The following ACER2 variants were observed in gnomAD, a reference collection of about 807,000 sequenced individuals.
The protein encoded by ACER2 is alkCDase 2.
ACER2 carries 26 observed loss-of-function variants against 34.7 expected under a neutral mutation model. That is an observed-to-expected ratio of 0.75 (90% CI 0.55 to 1.04). The LOEUF (loss-of-function observed/expected upper bound fraction) is 1.04, where lower values mean the gene tolerates loss of function less well. Ranked by LOEUF, ACER2 falls within the 50% of genes least tolerant of loss-of-function variation. ACER2 has a pLI of 0.00. For synonymous variants in ACER2, 138 were observed against 132.1 expected (o/e 1.04, Z -0.31); for missense variants, 352 against 340.8 (o/e 1.03, Z -0.26).
At chr9:19,434,624 C>G (rs1427716670) in intron 3 of ACER2, among the ~76,000 whole-genome samples, 2 of 152,250 alleles carry the variant, frequency 1.3e-5, no homozygotes, top group African/African-American at 4.8e-5. Flanking sequence ...AATACGAAAA[C>G]CAGTCAGGTG....
At chr9:19,441,050 T>C (rs1831139533) in intron 4 of ACER2, among the ~76,000 whole-genome samples, 1 of 144,350 alleles carries the variant, frequency 6.9e-6, no homozygotes. Flanking sequence ...TTCTTTTTCT[T>C]TTTTTTTTTT....
chr9:19,434,965 G>A lies in ACER2; in HGVS notation c.384G>A (p.Val128=). The part of the protein sequence containing the change: ...FRNDRGRFKV[V]VSVLSAVTTC... ...GATTCAGGGGTAGGTTCAAGGTGGTGGTCAGTGTCCTGTCTGCGGTTACGA... is the reference window on the plus strand; with the variant it reads ...GATTCAGGGGTAGGTTCAAGGTGGTAGTCAGTGTCCTGTCTGCGGTTACGA... Residue 128 remains valine (V), a synonymous_variant, in exon 4 of 6, where the codon GTG becomes GTA. Coordinates refer to ENST00000340967, the MANE Select transcript of ACER2 (RefSeq NM_001010887.3). 1 of 1,613,830 alleles carries A rather than the reference G, an allele frequency of 6.2e-7. No homozygotes were observed. The highest frequency in any genetic ancestry group is 8.5e-7 in the Non-Finnish European group (1 of 1,180,034).
rs1037799616 is a variant in ACER2 at position 19,439,391 on chromosome 9, A to T, written c.503+4307A>T. Among the ~76,000 whole-genome samples, 15 of 144,670 alleles carry T rather than the reference A, an allele frequency of 1.0e-4. 1 individual carries two copies. Among genetic ancestry groups the T allele is most frequent in the South Asian group, 9.0e-4 (4 of 4,460 alleles). 94.9% of individuals were successfully genotyped at this position (144,670 alleles called of 152,430 possible). A position where few individuals can be genotyped will look rare whatever the true frequency, so the allele number is the denominator to read the frequency against. ...AGTCTCGCTCTGTCACCCAGGCTGG[A>T]GTGCAGTGGCAAGATCTCGGCTCAC... is the stretch of plus-strand genomic sequence containing the variant. On this transcript the variant is annotated intron_variant, in intron 4 of 5. Transcript: ENST00000340967.
At chr9:19,450,154 T>G (rs1351949922) in intron 5 of ACER2, 1 of 973,268 alleles carries the variant, frequency 1.0e-6, no homozygotes, top group African/African-American at 1.8e-5. Context: ...TTGTAAATCC[T>G]TGGGCCTCAG....
intron 4 of ACER2, among the ~76,000 whole-genome samples, chr9:19,440,245 T>C (rs894363353): frequency 1.3e-5 from 2 of 152,208 alleles, no homozygotes; most frequent in Admixed American, 6.5e-5. Context: ...GCAGCTCCTT[T>C]TCAGTCTCTT....
At chr9:19,438,142 G>C (rs1831031718) in intron 4 of ACER2, among the ~76,000 whole-genome samples, 1 of 152,168 alleles carries the variant, frequency 6.6e-6, no homozygotes, top group East Asian at 1.9e-4. Context: ...GCTTTTACTA[G>C]CCTGGAAACT....
At chr9:19,445,228 A>T (rs1467431132) in intron 4 of ACER2, among the ~76,000 whole-genome samples, 1 of 152,242 alleles carries the variant, frequency 6.6e-6, no homozygotes, top group Non-Finnish European at 1.5e-5. Flanking sequence ...GAAGACGGCA[A>T]TTGAAATTTT....
At chr9:19,445,155 C>T (rs1039073672) in intron 4 of ACER2, among the ~76,000 whole-genome samples, 4 of 152,206 alleles carry the variant, frequency 2.6e-5, no homozygotes, top group Admixed American at 6.5e-5. Flanking sequence ...ACCAGCTGCC[C>T]CCAGGTGTTC....
At position 19,446,412 on chromosome 9, in the gene ACER2, G is replaced by A. The variant is rs768162227; in HGVS notation, c.635G>A (p.Cys212Tyr). 2 of 1,614,166 alleles carry A rather than the reference G, an allele frequency of 1.2e-6. No individual in the cohort carries two copies. Among genetic ancestry groups the A allele is most frequent in the Non-Finnish European group, 8.5e-7 (1 of 1,180,020 alleles). Residue 212 changes from cysteine (C) to tyrosine (Y), a missense_variant, in exon 5 of 6, where the codon TGC (cysteine) becomes TAC (tyrosine). By Grantham distance (194) the Cys-to-Tyr change is radical. Coordinates refer to ENST00000340967, the MANE Select transcript of ACER2 (RefSeq NM_001010887.3). ...TCCTTCAACTTCCCCTACCTGCACTGCATGTGGTAAGCCCCTGCTAATGGG... is the reference window on the plus strand; with the variant it reads ...TCCTTCAACTTCCCCTACCTGCACTACATGTGGTAAGCCCCTGCTAATGGG... ...LSSFNFPYLH[C>Y]MWHILICLAA...
chr9:19,443,402 G>C (rs1349404063), intron 4 of ACER2, among the ~76,000 whole-genome samples: 1 of 152,186 alleles, frequency 6.6e-6, no homozygotes, highest in African/African-American at 2.4e-5. Context: ...TCCTGACCTC[G>C]TGATCCCCCG....
At chr9:19,443,241 C>T (rs1831217880) in intron 4 of ACER2, among the ~76,000 whole-genome samples, 4 of 152,236 alleles carry the variant, frequency 2.6e-5, no homozygotes, top group Middle Eastern at 6.8e-3. Flanking sequence ...ACCACGTTAG[C>T]CAGGATGGTC....
At chr9:19,448,183 T>A (rs887486511) in intron 5 of ACER2, among the ~76,000 whole-genome samples, 2 of 152,032 alleles carry the variant, frequency 1.3e-5, no homozygotes, top group African/African-American at 4.8e-5. Flanking sequence ...TAATTTATTT[T>A]GAATTTTTTT....
chr9:19,417,597 A>G (rs992301487), intron 1 of ACER2, among the ~76,000 whole-genome samples: 12 of 152,248 alleles, frequency 7.9e-5, no homozygotes, highest in Middle Eastern at 3.2e-3. Flanking sequence ...GACAAACCTG[A>G]CAAAAACAAG....
Position 19,409,013 on chromosome 9 carries a change from C to G in ACER2, c.-72C>G. 1.5e-6 allele frequency: 2 copies of G among 1,341,582 alleles called. No homozygotes were observed. The allele number at this position is 1,341,582 out of a possible 1,614,324, so 83.1% of individuals were successfully genotyped here. A position where few individuals can be genotyped will look rare whatever the true frequency, so the allele number is the denominator to read the frequency against. ...CCGCTTTCGCCGCTGGCTGTCGCCG[C>G]GTTTTGCCTCCGCAGCAGCTCTGGG... On this transcript the variant is annotated 5_prime_UTR_variant, in exon 1 of 6. Coordinates refer to ENST00000340967, the MANE Select transcript of ACER2 (RefSeq NM_001010887.3).
intron 1 of ACER2, among the ~76,000 whole-genome samples, chr9:19,421,094 G>C (rs1198347864): frequency 6.6e-6 from 1 of 152,142 alleles, no homozygotes; most frequent in African/African-American, 2.4e-5. Context: ...TACTGTACTG[G>C]ACACTGTAGG....
intron 3 of ACER2, among the ~76,000 whole-genome samples, chr9:19,429,759 A>G (rs747037958): frequency 6.6e-6 from 1 of 152,180 alleles, no homozygotes; most frequent in African/African-American, 2.4e-5. Flanking sequence ...CCCTGCTAGC[A>G]TTCTTCCTGG....
intron 1 of ACER2, chr9:19,410,051 G>A (rs1001170191): frequency 7.6e-6 from 5 of 660,302 alleles, no homozygotes; most frequent in South Asian, 6.7e-5. Flanking sequence ...GAGACTTTGC[G>A]TGGTCATTTC....
At chr9:19,433,437 C>T (rs1830826045) in intron 3 of ACER2, among the ~76,000 whole-genome samples, 1 of 151,978 alleles carries the variant, frequency 6.6e-6, no homozygotes, top group Admixed American at 6.6e-5. Context: ...TCTGAGTGGA[C>T]ACAGCACATG....
intron 2 of ACER2, 34 bp downstream of exon 2, chr9:19,424,010 G>A (rs776198308): frequency 3.3e-6 from 5 of 1,497,242 alleles, no homozygotes; most frequent in Non-Finnish European, 3.7e-6. Flanking sequence ...CGGACTTAAT[G>A]GGGTGGTGGG....
Sources: allele counts gnomAD v4.1 joint callset (sites outside exome capture counted in the v4.1 genomes callset), GRCh38; gene constraint gnomAD v4.1.1; transcripts MANE v1.5; gene names NCBI Gene and HGNC (gene_info 2026-07-23, HGNC 2026-07-21).